C16orf96: variants seen among roughly 807,000 people sequenced by gnomAD.
C16orf96 encodes uncharacterized protein C16orf96.
Under a neutral mutation model 103.6 loss-of-function variants are expected in C16orf96, and 108 were observed. The observed-to-expected ratio is 1.04, with a 90% CI of 0.89 to 1.22. The LOEUF is 1.22. Ranked by LOEUF, C16orf96 falls within the 50% of genes most tolerant of loss-of-function variation. The pLI, the probability that C16orf96 is intolerant of heterozygous loss-of-function variation, is 0.00. For synonymous variants in C16orf96, 566 were observed against 593.5 expected, an observed-to-expected ratio of 0.95 and a Z score of 0.67; for missense variants, 1,586 against 1,464.2, an observed-to-expected ratio of 1.08 and a Z score of -1.36.
chr16:4,596,050 G>C (rs1300712659), intron 14 of C16orf96, among the ~76,000 whole-genome samples: 1 of 152,160 alleles, frequency 6.6e-6, no homozygotes, highest in Non-Finnish European at 1.5e-5. Flanking sequence ...AGACATGGAA[G>C]AAGGGAAGGG....
At chr16:4,583,794 G>T (rs866538962) in intron 7 of C16orf96, among the ~76,000 whole-genome samples, 1 of 151,638 alleles carries the variant, frequency 6.6e-6, no homozygotes, top group Non-Finnish European at 1.5e-5. Context: ...GCGTGGTGGC[G>T]CATGCCTGTA....
In C16orf96 at chr16:4,587,589, C is replaced by T. The variant is rs369704589; in HGVS notation, c.2427+476C>T. Reference sequence around the variant, plus strand: ...AAAGAAAAGAAAGGAAAACAGGAGGCACATCAACTCCCATTTTCAGCAATT... The same window carrying T: ...AAAGAAAAGAAAGGAAAACAGGAGGTACATCAACTCCCATTTTCAGCAATT... On this transcript the variant is annotated intron_variant, in intron 8 of 15. Transcript: ENST00000444310. Among the ~76,000 whole-genome samples, 47 of 150,434 alleles carry T rather than the reference C, an allele frequency of 3.1e-4. 1 individual carries two copies. The South Asian group carries it at 9.5e-3, about 31-fold the overall frequency.
At chr16:4,581,490 G>A (rs1209810037) in intron 7 of C16orf96, among the ~76,000 whole-genome samples, 13 of 151,360 alleles carry the variant, frequency 8.6e-5, no homozygotes, top group East Asian at 3.9e-4. Context: ...AAAATTAGCC[G>A]GGCGTGGTGG....
Position 4,600,273 on chromosome 16 carries a change from T to C in C16orf96, c.3382T>C (p.Ser1128Pro), listed in dbSNP as rs1181378296. Residue 1128 changes from serine to proline, a missense_variant, in exon 16 of 16, where the codon TCC becomes CCC. Coordinates refer to ENST00000444310, the MANE Select transcript of C16orf96 (RefSeq NM_001145011.2). ...GCTCTCAAGAGCTCCACACATTGAG[T>C]CCCGAGTCGGCAGGAAGCCCCCCGA... ...TRLSRAPHIE[S>P]RVGRKPPEEP... The C allele has an allele frequency of 3.9e-6, 6 of 1,550,578 alleles. No homozygotes were observed.
chr16:4,573,212 C>A (rs564712858), intron 2 of C16orf96, among the ~76,000 whole-genome samples: 1 of 151,948 alleles, frequency 6.6e-6, no homozygotes, highest in Non-Finnish European at 1.5e-5. Flanking sequence ...CCAAAGCAGG[C>A]GGATCACCTG....
At position 4,594,613 on chromosome 16, in the gene C16orf96, G is replaced by A. The variant is rs995912526; in HGVS notation, c.3028-91G>A. 2.6e-6 allele frequency: 4 copies of A among 1,536,648 alleles called. No individual in the cohort carries two copies. In the African/African-American group the frequency reaches 5.5e-5, roughly 21 times the overall value. ...GCAGTGGGCAACCCCAGCAGAGGCT[G>A]CACTCTGTCTCCTGGGCTTCTGCGT... On this transcript the variant is annotated intron_variant, in intron 13 of 15. Coordinates refer to ENST00000444310, the MANE Select transcript of C16orf96 (RefSeq NM_001145011.2).
the C16orf96 span, among the ~76,000 whole-genome samples, chr16:4,540,817 A>G: frequency 2.0e-5 from 3 of 151,884 alleles, 1 homozygote; most frequent in Middle Eastern, 0.01. Flanking sequence ...GCATGATCAT[A>G]GCTCACTGTG....
At chr16:4,547,140 G>C in the C16orf96 span, among the ~76,000 whole-genome samples, 1 of 152,012 alleles carries the variant, frequency 6.6e-6, no homozygotes, top group Non-Finnish European at 1.5e-5. Flanking sequence ...ACCACTTATT[G>C]TTTTTCTCTT....
At chr16:4,576,693 T>G (rs1257946544) in intron 5 of C16orf96, 58 bp downstream of exon 5, 11 of 1,454,990 alleles carry the variant, frequency 7.6e-6, no homozygotes, top group Non-Finnish European at 1.0e-5. Context: ...CCTGCAGCCT[T>G]TGAGAAGTGT....
intron 5 of C16orf96, among the ~76,000 whole-genome samples, chr16:4,578,126 A>T (rs188767306): frequency 0.014 from 2,079 of 152,114 alleles, 27 homozygotes; most frequent in Non-Finnish European, 0.02. Flanking sequence ...AACAAAATTT[A>T]AAAAAAAATT....
chr16:4,562,172 C>T (rs1014214588), intron 1 of C16orf96, among the ~76,000 whole-genome samples: 2 of 152,106 alleles, frequency 1.3e-5, no homozygotes, highest in African/African-American at 4.8e-5. Context: ...GTTCTTTCTA[C>T]AGATGTTCAA....
At chr16:4,546,987 C>T in the C16orf96 span, among the ~76,000 whole-genome samples, 8 of 12,520 alleles carry the variant, frequency 6.4e-4, no homozygotes, top group Middle Eastern at 0.029. Context: ...AATAGGGTCT[C>T]GATATATTGC....
intron 14 of C16orf96, among the ~76,000 whole-genome samples, chr16:4,596,706 A>AC (rs59576113): frequency 6.6e-6 from 1 of 151,564 alleles, no homozygotes; most frequent in East Asian, 1.9e-4. Context: ...AAACAAACAA[A>AC]AACAGAACAG....
Position 4,556,814 on chromosome 16 carries a change from G to A in C16orf96, c.325G>A (p.Glu109Lys). ...QDLPSTAQLL[E>K]ASQGTARPVQ... The stretch of plus-strand genomic sequence containing the variant: ...CCTGCCCTCCACTGCCCAGCTGCTG[G>A]AAGCCAGCCAGGGCACTGCCCGGCC... The change falls in exon 1 of 16, where the codon GAA becomes AAA. Residue 109 changes from glutamate (E) to lysine (K), a missense_variant. Glu to Lys is a moderately conservative substitution (Grantham distance 56). Transcript: ENST00000444310. The A allele has an allele frequency of 6.4e-7, 1 of 1,551,642 alleles. No individual in the cohort carries two copies. The highest frequency in any genetic ancestry group is 8.7e-7 in the Non-Finnish European group (1 of 1,147,012).
intron 9 of C16orf96, among the ~76,000 whole-genome samples, chr16:4,591,173 C>T (rs1455169643): frequency 2.0e-5 from 3 of 152,026 alleles, no homozygotes; most frequent in South Asian, 2.1e-4. Context: ...GGCAACAGAG[C>T]GAGACTCTGT....
the C16orf96 span, among the ~76,000 whole-genome samples, chr16:4,543,499 A>G: frequency 0.019 from 2,925 of 152,110 alleles, 90 homozygotes; most frequent in African/African-American, 0.067. Context: ...TAATTAATTT[A>G]TATTAAAATA....
At position 4,587,118 on chromosome 16, in the gene C16orf96, G is replaced by A; in HGVS notation, c.2427+5G>A. 2.6e-6 allele frequency: 4 copies of A among 1,551,102 alleles called. No homozygotes were observed. Among genetic ancestry groups the A allele is most frequent in the Non-Finnish European group, 2.6e-6 (3 of 1,146,608 alleles). ...ATGGAGGAGGAGCTGAGAGAGGTGA[G>A]TGAGCAGAGGTTCCTCTGCCTTCCC... On this transcript the variant is annotated splice_donor_5th_base_variant and intron_variant, in intron 8 of 15. Coordinates refer to ENST00000444310, the MANE Select transcript of C16orf96 (RefSeq NM_001145011.2).
In C16orf96 at chr16:4,588,168, A is replaced by T. The variant is rs1257628358; in HGVS notation, c.2429A>T (p.Lys810Ile). The T allele has an allele frequency of 6.4e-7, 1 of 1,550,916 alleles. No homozygotes were observed. The highest frequency in any genetic ancestry group is 8.7e-7 in the Non-Finnish European group (1 of 1,146,700). ...KSTMEEELRE[K>I]ADRSALAGKA... ...TCCCTGAACTCCCTGTCTCCCTAGA[A>T]AGCTGACAGGAGTGCCCTGGCAGGC... The change falls in exon 9 of 16, where the codon AAA becomes ATA. Residue 810 changes from lysine (K) to isoleucine (I), a missense_variant and splice_region_variant. By Grantham distance (102) the Lys-to-Ile change is moderately radical. Coordinates refer to ENST00000444310, the MANE Select transcript of C16orf96 (RefSeq NM_001145011.2).
intron 7 of C16orf96, among the ~76,000 whole-genome samples, chr16:4,583,218 A>T (rs1467819501): frequency 6.6e-6 from 1 of 151,898 alleles, no homozygotes; most frequent in East Asian, 1.9e-4. Flanking sequence ...AGCCTGGGCA[A>T]CAAGAGCAAA....
Sources: gnomAD v4.1 joint callset for allele counts (sites outside exome capture counted in the v4.1 genomes callset) on GRCh38, gnomAD v4.1.1 for gene constraint, MANE v1.5 for transcripts, NCBI Gene and HGNC (gene_info 2026-07-23, HGNC 2026-07-21) for gene names.